The following GALNTL6 variants were observed in gnomAD, a reference collection of about 807,000 sequenced individuals.
GALNTL6 encodes polypeptide N-acetylgalactosaminyltransferase like 6, also known as polypeptide N-acetylgalactosaminyltransferase-like 6.
In GALNTL6, 46 loss-of-function variants were observed where a neutral mutation model predicts 73.7. That is an observed-to-expected ratio of 0.62 (90% CI 0.49 to 0.80). The LOEUF (loss-of-function observed/expected upper bound fraction) is 0.80. Among genes scored for constraint, GALNTL6 ranks in the 30% least tolerant of loss-of-function variants. The pLI is 0.00. For missense variants in GALNTL6, 604 were observed against 755.0 expected (o/e 0.80, Z 2.34); for synonymous variants, 259 against 263.7 (o/e 0.98, Z 0.17).
intron 2 of GALNTL6, among the ~76,000 whole-genome samples, chr4:172,002,704 A>G (rs1414497853): frequency 6.6e-6 from 1 of 152,164 alleles, no homozygotes; most frequent in Non-Finnish European, 1.5e-5. Flanking sequence ...TACTTTCTCA[A>G]TATCTCAGAA....
intron 5 of GALNTL6, among the ~76,000 whole-genome samples, chr4:172,528,971 G>A (rs1327130710): frequency 0.047 from 230 of 4,918 alleles, 3 homozygotes; most frequent in East Asian, 0.17. Flanking sequence ...ATATGTGTGT[G>A]TATATTTATA....
intron 5 of GALNTL6, among the ~76,000 whole-genome samples, chr4:172,551,816 G>A (rs1180385275): frequency 4.6e-5 from 7 of 152,084 alleles, no homozygotes; most frequent in Admixed American, 4.6e-4. Context: ...ACCTGTATGA[G>A]GATGTTGATG....
At chr4:172,890,888 T>G (rs1745993986) in intron 8 of GALNTL6, among the ~76,000 whole-genome samples, 1 of 152,238 alleles carries the variant, frequency 6.6e-6, no homozygotes, top group African/African-American at 2.4e-5. Flanking sequence ...TTGGTGCATA[T>G]AGATTTATAA....
chr4:172,898,481 CT>C (rs1376720813), intron 8 of GALNTL6, among the ~76,000 whole-genome samples: 2 of 149,420 alleles, frequency 1.3e-5, no homozygotes, highest in African/African-American at 4.9e-5. Context: ...TAAAATAAAA[CT>C]TTTTTCTCTT....
chr4:172,567,904 C>T (rs1447729844), intron 5 of GALNTL6, among the ~76,000 whole-genome samples: 1 of 152,048 alleles, frequency 6.6e-6, no homozygotes, highest in Non-Finnish European at 1.5e-5. Context: ...CTATGAGTGC[C>T]AGAACCTGAA....
At chr4:171,853,666 A>G (rs1336442742) in intron 2 of GALNTL6, among the ~76,000 whole-genome samples, 33 of 113,734 alleles carry the variant, frequency 2.9e-4, no homozygotes, top group African/African-American at 1.1e-3. Flanking sequence ...GTTGGAGTGC[A>G]GTGGTGCGAT....
chr4:172,285,172 C>T (rs1413086004), intron 3 of GALNTL6, among the ~76,000 whole-genome samples: 1 of 151,948 alleles, frequency 6.6e-6, no homozygotes, highest in Admixed American at 6.6e-5. Flanking sequence ...GAACTATTAC[C>T]TTGCATTTGT....
In GALNTL6 at chr4:172,052,508, G is replaced by A. The variant is rs753381779; in HGVS notation, c.139-177148G>A. 8.6e-5 allele frequency: 132 copies of A among 1,534,928 alleles called. No homozygotes were observed. The Middle Eastern group carries it at 1.3e-3, about 15-fold the overall frequency. ...GAATCCAAGCATTAGTGCAGACCACGGAGTGCATGAGCTGGTTTACCAGGT... is the reference window on the plus strand; with the variant it reads ...GAATCCAAGCATTAGTGCAGACCACAGAGTGCATGAGCTGGTTTACCAGGT... On this transcript the variant is annotated intron_variant, in intron 2 of 12. Coordinates refer to ENST00000506823, the MANE Select transcript of GALNTL6 (RefSeq NM_001034845.3).
chr4:172,485,566 C>T (rs1047041498), intron 5 of GALNTL6, among the ~76,000 whole-genome samples: 1 of 151,998 alleles, frequency 6.6e-6, no homozygotes, highest in Non-Finnish European at 1.5e-5. Context: ...GTAAATTATT[C>T]CTCTATCACA....
At chr4:172,081,143 A>G (rs1237805585) in intron 2 of GALNTL6, among the ~76,000 whole-genome samples, 2 of 152,268 alleles carry the variant, frequency 1.3e-5, no homozygotes, top group African/African-American at 4.8e-5. Flanking sequence ...ATAGATATAT[A>G]GACATCAAAG....
At chr4:172,815,266 A>G (rs548397365) in intron 7 of GALNTL6, among the ~76,000 whole-genome samples, 28 of 152,356 alleles carry the variant, frequency 1.8e-4, no homozygotes, top group African/African-American at 6.7e-4. Context: ...CAACTTTTAT[A>G]TGTCAGTTTA....
intron 2 of GALNTL6, among the ~76,000 whole-genome samples, chr4:171,924,933 T>C (rs566062099): frequency 2.1e-4 from 32 of 152,242 alleles, no homozygotes; most frequent in Admixed American, 8.5e-4. Flanking sequence ...CCACCTGTTG[T>C]CTCTCCAGCA....
intron 2 of GALNTL6, among the ~76,000 whole-genome samples, chr4:171,849,774 A>T (rs1735470202): frequency 6.6e-6 from 1 of 152,222 alleles, no homozygotes; most frequent in Non-Finnish European, 1.5e-5. Context: ...TGGGAAGCAT[A>T]GCCTCTGGCA....
At chr4:172,301,401 T>C (rs1739915559) in intron 3 of GALNTL6, among the ~76,000 whole-genome samples, 1 of 152,244 alleles carries the variant, frequency 6.6e-6, no homozygotes, top group Non-Finnish European at 1.5e-5. Context: ...CTTTGTTCCA[T>C]TGCTCGTGAG....
At chr4:172,753,513 C>A (rs954949727) in intron 5 of GALNTL6, among the ~76,000 whole-genome samples, 2 of 152,098 alleles carry the variant, frequency 1.3e-5, no homozygotes, top group Non-Finnish European at 2.9e-5. Context: ...ACGAAAAAGT[C>A]TTAGGCTTCT....
At chr4:171,948,114 C>T (rs1738756442) in intron 2 of GALNTL6, among the ~76,000 whole-genome samples, 1 of 151,952 alleles carries the variant, frequency 6.6e-6, no homozygotes, top group African/African-American at 2.4e-5. Flanking sequence ...ACATTTTGTT[C>T]TGTTTCATTT....
chr4:171,863,181 A>C (rs1013979810), intron 2 of GALNTL6, among the ~76,000 whole-genome samples: 19 of 152,170 alleles, frequency 1.2e-4, no homozygotes, highest in Non-Finnish European at 2.6e-4. Context: ...CCATCCTTGA[A>C]AGGAGTACAA....
At chr4:172,698,626 G>A (rs547120045) in intron 5 of GALNTL6, among the ~76,000 whole-genome samples, 47 of 152,298 alleles carry the variant, frequency 3.1e-4, no homozygotes, top group Middle Eastern at 3.4e-3. Flanking sequence ...CGATGATTCA[G>A]ACACAAGCTC....
At chr4:172,310,271 A>T (rs113145566) in intron 3 of GALNTL6, among the ~76,000 whole-genome samples, 7 of 145,770 alleles carry the variant, frequency 4.8e-5, no homozygotes, top group African/African-American at 1.0e-4. Flanking sequence ...TTACTCGATA[A>T]TTTTTTTTTT....
Sources: gnomAD v4.1 joint callset for allele counts (sites outside exome capture counted in the v4.1 genomes callset) on GRCh38, gnomAD v4.1.1 for gene constraint, MANE v1.5 for transcripts, NCBI Gene and HGNC (gene_info 2026-07-23, HGNC 2026-07-21) for gene names.